Variants in RC3H2 observed in about 807,000 individuals in gnomAD.
RC3H2 encodes roquin-2.
In RC3H2, 31 loss-of-function variants were observed where a neutral mutation model predicts 133.3. The observed-to-expected ratio is 0.23, with a 90% confidence interval of 0.17 to 0.31. The LOEUF (loss-of-function observed/expected upper bound fraction) is 0.31. RC3H2 is among the 10% of genes least tolerant of loss of function. RC3H2 has a pLI of 1.00. For missense variants in RC3H2, 1,175 were observed against 1,437.2 expected, an observed-to-expected ratio of 0.82 and a Z score of 2.95; for synonymous variants, 517 against 502.2, an observed-to-expected ratio of 1.03 and a Z score of -0.40.
At chr9:122,888,312 G>C (rs570930007) in intron 4 of RC3H2, among the ~76,000 whole-genome samples, 1 of 152,006 alleles carries the variant, frequency 6.6e-6, no homozygotes, top group East Asian at 1.9e-4. Flanking sequence ...TTATTTTTAG[G>C]TATTATTTTG....
chr9:122,854,906 C>G (rs1830182865), intron 15 of RC3H2, among the ~76,000 whole-genome samples: 1 of 152,084 alleles, frequency 6.6e-6, no homozygotes, highest in African/African-American at 2.4e-5. Flanking sequence ...GAGTTCCAGA[C>G]CAGCCTGGCC....
intron 9 of RC3H2, among the ~76,000 whole-genome samples, chr9:122,873,492 T>G (rs1033161323): frequency 7.9e-5 from 12 of 152,082 alleles, no homozygotes; most frequent in Non-Finnish European, 1.6e-4. Context: ...GTGGGCAGAT[T>G]GAGCTCAGGA....
chr9:122,878,531 A>G (rs938923815), intron 8 of RC3H2, among the ~76,000 whole-genome samples: 11 of 151,964 alleles, frequency 7.2e-5, no homozygotes, highest in African/African-American at 2.7e-4. Context: ...CAGCCTCCCA[A>G]AGTGCTGGGA....
At position 122,854,644 on chromosome 9, in the gene RC3H2, C is replaced by G. The variant is rs772959870; in HGVS notation, c.2816-29G>C. On this transcript the variant is annotated intron_variant, in intron 15 of 20. Coordinates refer to ENST00000357244, the MANE Select transcript of RC3H2 (RefSeq NM_001100588.3). ...CAGACATGTAGAATGAAACAATGGT[C>G]AAAAAAGTGAAAAATCAGTGTACTG... 1.5e-5 allele frequency: 22 copies of G among 1,475,366 alleles called. No individual in the cohort carries two copies. In the South Asian group the frequency reaches 2.5e-4, roughly 17 times the overall value. 91.4% of individuals were successfully genotyped at this position (1,475,366 alleles called of 1,614,324 possible).
At position 122,865,574 on chromosome 9, in the gene RC3H2, G is replaced by C; in HGVS notation, c.1409C>G (p.Thr470Arg). ...AGAAATGACATTTCCGGCTGTGGTT[G>C]TGACAGTGTTGTTTACACCAACTTT... ...LNKVGVNNTV[T>R]TTAGNVISVI... The change falls in exon 10 of 21, where the codon ACA becomes AGA. Residue 470 changes from threonine to arginine, a missense_variant. Thr to Arg is a moderately conservative substitution (Grantham distance 71, BLOSUM62 -1). Around this residue, in one of 8 missense-constraint regions of RC3H2, gnomAD observed 490 missense variants for 492.8 expected, o/e 0.99. Transcript: ENST00000357244. 2 of 1,614,120 alleles carry C rather than the reference G, an allele frequency of 1.2e-6. No individual in the cohort carries two copies. Among genetic ancestry groups the C allele is most frequent in the Non-Finnish European group, 1.7e-6 (2 of 1,179,980 alleles).
rs772078357 is a variant in RC3H2 at position 122,880,021 on chromosome 9, C to T, written c.1065G>A (p.Glu355=). Residue 355 remains glutamate (E), a synonymous_variant, in exon 7 of 21, where the codon GAG becomes GAA. Coordinates refer to ENST00000357244, the MANE Select transcript of RC3H2 (RefSeq NM_001100588.3). ...GATTAGGGTCTATGTTTGCAAGAAG[C>T]TCTAAATGAGGCCTCAGTCTATTTA... ...ANLNRLRPHL[E]LLANIDPNPD... is the part of the protein sequence containing the mutation. The T allele has an allele frequency of 1.2e-6, 2 of 1,614,154 alleles. No homozygotes were observed. Among genetic ancestry groups the T allele is most frequent in the South Asian group, 2.2e-5 (2 of 91,078 alleles).
rs200734101 is a variant in RC3H2 at position 122,855,478 on chromosome 9, A to G, written c.2602-81T>C. 5.4e-4 allele frequency: 729 copies of G among 1,346,726 alleles called. 2 individuals carry two copies. In the Middle Eastern group the frequency reaches 0.014, roughly 26 times the overall value. 83.4% of individuals were successfully genotyped at this position (1,346,726 alleles called of 1,614,324 possible). A position where few individuals can be genotyped will look rare whatever the true frequency, so the allele number is the denominator to read the frequency against. On this transcript the variant is annotated intron_variant, in intron 14 of 20. Transcript: ENST00000357244. ...AAATATATGCTATCAAAAGACATGT[A>G]ATTAGGTTTTTTGGTTAATTTAAAA...
chr9:122,886,537 T>C (rs1253376459), intron 4 of RC3H2, among the ~76,000 whole-genome samples: 2 of 152,182 alleles, frequency 1.3e-5, no homozygotes, highest in African/African-American at 4.8e-5. Flanking sequence ...CTCATCAACA[T>C]TGGTTATGTT....
chr9:122,897,087 T>G (rs964079228), intron 2 of RC3H2, among the ~76,000 whole-genome samples, 192 bp downstream of exon 2: 2 of 145,474 alleles, frequency 1.4e-5, no homozygotes, highest in East Asian at 4.0e-4. Context: ...CGATAGCTGA[T>G]GAGCTAAAAA....
intron 3 of RC3H2, 74 bp downstream of exon 3, chr9:122,892,835 T>G (rs1832244559): frequency 8.9e-7 from 1 of 1,125,724 alleles, no homozygotes; most frequent in East Asian, 2.4e-5. Context: ...TAATAGGGTA[T>G]CCACATCAAG....
intron 8 of RC3H2, among the ~76,000 whole-genome samples, chr9:122,879,239 C>A (rs1831488644): frequency 6.6e-6 from 1 of 151,426 alleles, no homozygotes; most frequent in East Asian, 2.0e-4. Context: ...ACAAAAAATA[C>A]AAAAATTAGC....
In RC3H2 at chr9:122,844,570, A is replaced by G. The variant is rs765790104; in HGVS notation, c.*5057T>C. 3.9e-5 allele frequency: 6 copies of G among 152,222 alleles called. No homozygotes were observed. Among genetic ancestry groups the G allele is most frequent in the Non-Finnish European group, 5.9e-5 (4 of 68,032 alleles). The allele number at this position is 152,222 out of a possible 1,614,324, so 9.4% of individuals were successfully genotyped here. ...AAACAAACAACTTTTAAGGTGGACAAATAATTTTATTTTGTGCATGCAAAT... is the reference window on the plus strand; with the variant it reads ...AAACAAACAACTTTTAAGGTGGACAGATAATTTTATTTTGTGCATGCAAAT... On this transcript the variant is annotated 3_prime_UTR_variant, in exon 21 of 21. Transcript: ENST00000357244.
chr9:122,863,337 C>T (rs1276493299), intron 10 of RC3H2, among the ~76,000 whole-genome samples: 3 of 152,150 alleles, frequency 2.0e-5, no homozygotes, highest in Non-Finnish European at 2.9e-5. Flanking sequence ...AAGCTTATTT[C>T]CTAAACATGT....
intron 9 of RC3H2, among the ~76,000 whole-genome samples, chr9:122,873,581 C>T (rs921909602): frequency 6.6e-6 from 1 of 151,742 alleles, no homozygotes; most frequent in African/African-American, 2.4e-5. Flanking sequence ...GGCATGGTGG[C>T]GTGTGTCTGT....
chr9:122,888,256 G>C (rs1300773109), intron 4 of RC3H2, among the ~76,000 whole-genome samples: 5 of 152,118 alleles, frequency 3.3e-5, no homozygotes, highest in Admixed American at 3.3e-4. Context: ...AAAGTAACCT[G>C]AAATAATTCA....
intron 10 of RC3H2, among the ~76,000 whole-genome samples, chr9:122,860,656 C>T (rs1260140945): frequency 6.6e-6 from 1 of 151,852 alleles, no homozygotes; most frequent in African/African-American, 2.4e-5. Context: ...TCAGGCAATT[C>T]TCCCACCTTA....
chr9:122,854,309 T>C, intron 16 of RC3H2, 43 bp from the exon 17 acceptor site: 1 of 1,487,196 alleles, frequency 6.7e-7, no homozygotes, highest in Non-Finnish European at 9.3e-7. Context: ...GTGAAGTGAA[T>C]GAAGCAACAA....
At chr9:122,897,604 C>A in intron 1 of RC3H2, 28 bp from the exon 2 acceptor site, 1 of 1,439,488 alleles carries the variant, frequency 6.9e-7, no homozygotes. Flanking sequence ...TATGAATTAA[C>A]CACATATTCA....
intron 4 of RC3H2, among the ~76,000 whole-genome samples, chr9:122,888,005 A>C (rs1399865201): frequency 6.6e-6 from 1 of 152,018 alleles, no homozygotes; most frequent in Non-Finnish European, 1.5e-5. Flanking sequence ...TCGGCCTCCC[A>C]AAGTGCTGGG....
Sources: allele counts gnomAD v4.1 joint callset (sites outside exome capture counted in the v4.1 genomes callset), GRCh38; gene constraint gnomAD v4.1.1; regional missense constraint gnomAD v4.1.1; transcripts MANE v1.5; gene names NCBI Gene and HGNC (gene_info 2026-07-23, HGNC 2026-07-21).